The following NPEPPS variants were observed in gnomAD, a reference collection of about 807,000 sequenced individuals.
NPEPPS encodes aminopeptidase puromycin sensitive.
Under a neutral mutation model 115.5 loss-of-function variants are expected in NPEPPS, and 14 were observed. The observed-to-expected ratio is 0.12, with a 90% CI of 0.08 to 0.19. NPEPPS has a LOEUF of 0.19. Ranked by LOEUF, NPEPPS falls within the 10% of genes least tolerant of loss-of-function variation. NPEPPS has a pLI of 1.00. For synonymous variants in NPEPPS, 285 were observed against 390.6 expected, an observed-to-expected ratio of 0.73 and a Z score of 3.19; for missense variants, 523 against 1,110.8, an observed-to-expected ratio of 0.47 and a Z score of 7.52.
intron 1 of NPEPPS, among the ~76,000 whole-genome samples, chr17:47,536,755 AGGCT>A (rs1908329596): frequency 8.4e-6 from 1 of 118,598 alleles, no homozygotes; most frequent in Admixed American, 1.1e-4. Flanking sequence ...CTTGTTGCCC[AGGCT>A]GGAGTGCAAT....
intron 1 of NPEPPS, among the ~76,000 whole-genome samples, chr17:47,535,401 A>G (rs1597807930): frequency 6.7e-6 from 1 of 150,214 alleles, no homozygotes; most frequent in East Asian, 2.0e-4. Context: ...AATACAAAAA[A>G]TTAGCCGGGC....
upstream of NPEPPS, among the ~76,000 whole-genome samples, chr17:47,530,882 C>A (rs1597802194): frequency 2.0e-5 from 3 of 151,854 alleles, no homozygotes; most frequent in Middle Eastern, 3.4e-3. Flanking sequence ...TTCCTCTGAT[C>A]AAGCCCTTCC....
chr17:47,619,253 C>A, intron 21 of NPEPPS, 89 bp downstream of exon 21: 1 of 1,309,326 alleles, frequency 7.6e-7, no homozygotes, highest in Non-Finnish European at 1.1e-6. Context: ...GTGGTCTTTG[C>A]TCTTTAAATG....
chr17:47,543,396 C>CA (rs1908928496), intron 1 of NPEPPS, among the ~76,000 whole-genome samples: 1 of 151,098 alleles, frequency 6.6e-6, no homozygotes, highest in African/African-American at 2.4e-5. Flanking sequence ...TAGCTCACTG[C>CA]AACCTCCACT....
intron 1 of NPEPPS, among the ~76,000 whole-genome samples, chr17:47,538,526 C>CTTTTTTT (rs1029993473): frequency 3.7e-4 from 39 of 104,384 alleles, no homozygotes; most frequent in Non-Finnish European, 5.6e-4. Flanking sequence ...TATCTGTTTT[C>CTTTTTTT]TTTTTTTTTT....
upstream of NPEPPS, among the ~76,000 whole-genome samples, chr17:47,527,119 C>A (rs1176662830): frequency 6.6e-6 from 1 of 152,138 alleles, no homozygotes; most frequent in Non-Finnish European, 1.5e-5. Flanking sequence ...GTGCCTGTTT[C>A]CTCAAATGTG....
chr17:47,568,184 GAC>G (rs1177437112), intron 2 of NPEPPS, among the ~76,000 whole-genome samples: 1 of 142,330 alleles, frequency 7.0e-6, no homozygotes, highest in African/African-American at 2.6e-5. Flanking sequence ...CTTTTTTTGA[GAC>G]AGAGTCTCGC....
In NPEPPS at chr17:47,594,238, T is replaced by C. The variant is rs182011468; in HGVS notation, c.1426+1693T>C. 2.2e-3 allele frequency among the ~76,000 whole-genome samples: 339 copies of C among 152,294 alleles called. 3 individuals are homozygous for C. Among genetic ancestry groups the C allele is most frequent in the African/African-American group, 7.9e-3 (330 of 41,544 alleles). ...TAGTTGAGTGAGTGGTGAGTGAATA[T>C]GAAGGCCTAAGACATTACTATACAC... On this transcript the variant is annotated intron_variant, in intron 12 of 22. Transcript: ENST00000322157.
intron 3 of NPEPPS, among the ~76,000 whole-genome samples, chr17:47,577,746 T>C (rs1911607978): frequency 6.6e-6 from 1 of 152,196 alleles, no homozygotes; most frequent in South Asian, 2.1e-4. Flanking sequence ...GGTCTGAAAT[T>C]TTCACTTAAA....
At chr17:47,537,313 C>T (rs1175411553) in intron 1 of NPEPPS, among the ~76,000 whole-genome samples, 1 of 152,130 alleles carries the variant, frequency 6.6e-6, no homozygotes, top group Non-Finnish European at 1.5e-5. Flanking sequence ...GTATGCTAAG[C>T]TTTGTCTAAT....
chr17:47,605,166 G>A (rs1464063418), intron 16 of NPEPPS, among the ~76,000 whole-genome samples, 167 bp from the exon 17 acceptor site: 1 of 152,162 alleles, frequency 6.6e-6, no homozygotes, highest in Admixed American at 6.5e-5. Context: ...GATTAAAGAA[G>A]GAATGTTGTC....
At position 47,563,865 on chromosome 17, in the gene NPEPPS, C is replaced by T. The variant is rs147494412; in HGVS notation, c.341-5552C>T. ...TATTACAGGCGTGAGCCACTGTTCCCGGCCCTGAAAAGTGTTTCTTAACAA... is the reference window on the plus strand; with the variant it reads ...TATTACAGGCGTGAGCCACTGTTCCTGGCCCTGAAAAGTGTTTCTTAACAA... On this transcript the variant is annotated intron_variant, in intron 2 of 22. Transcript: ENST00000322157. Among the ~76,000 whole-genome samples the T allele has an allele frequency of 4.6e-5, 7 of 152,134 alleles. No homozygotes were observed. In the East Asian group the frequency reaches 1.2e-3, roughly 25 times the overall value.
At chr17:47,620,974 A>C (rs1328886944) in intron 22 of NPEPPS, among the ~76,000 whole-genome samples, 1 of 152,042 alleles carries the variant, frequency 6.6e-6, no homozygotes, top group East Asian at 1.9e-4. Context: ...CTTGAGTTCA[A>C]GAGTTCAAGA....
chr17:47,558,580 C>G (rs1285543578), intron 2 of NPEPPS, among the ~76,000 whole-genome samples: 2 of 150,760 alleles, frequency 1.3e-5, no homozygotes, highest in Non-Finnish European at 2.9e-5. Flanking sequence ...CATGCGCCTG[C>G]TACCACGCCT....
chr17:47,533,108 G>C (rs963030857), intron 1 of NPEPPS, among the ~76,000 whole-genome samples: 5 of 152,082 alleles, frequency 3.3e-5, no homozygotes, highest in Non-Finnish European at 7.3e-5. Flanking sequence ...ACGGTACTCA[G>C]ATTAAAAATA....
At chr17:47,551,995 A>T (rs1909689812) in intron 2 of NPEPPS, among the ~76,000 whole-genome samples, 2 of 94,226 alleles carry the variant, frequency 2.1e-5, no homozygotes. Context: ...TTTTTTTGAG[A>T]CAGGTCTTTC....
intron 1 of NPEPPS, among the ~76,000 whole-genome samples, chr17:47,540,503 T>A (rs1908670790): frequency 6.6e-6 from 1 of 152,244 alleles, no homozygotes; most frequent in South Asian, 2.1e-4. Flanking sequence ...AAGAGCAGCA[T>A]CACAATGAGC....
At chr17:47,544,561 G>A (rs1237483619) in intron 1 of NPEPPS, among the ~76,000 whole-genome samples, 1 of 149,918 alleles carries the variant, frequency 6.7e-6, no homozygotes, top group East Asian at 1.9e-4. Flanking sequence ...TTGAGATAGA[G>A]TTTCACTCTG....
intron 17 of NPEPPS, among the ~76,000 whole-genome samples, chr17:47,605,812 A>G (rs1939945147): frequency 6.6e-6 from 1 of 152,186 alleles, no homozygotes; most frequent in South Asian, 2.1e-4. Flanking sequence ...CAGAATTCCA[A>G]AGGCCTATTT....
Sources: gnomAD v4.1 joint callset for allele counts (sites outside exome capture counted in the v4.1 genomes callset) on GRCh38, gnomAD v4.1.1 for gene constraint, MANE v1.5 for transcripts, NCBI Gene and HGNC (gene_info 2026-07-23, HGNC 2026-07-21) for gene names.